The following WWOX variants were observed in gnomAD, a reference collection of about 807,000 sequenced individuals.
WWOX encodes WW domain containing oxidoreductase, also known as WW domain-containing oxidoreductase.
WWOX carries 69 observed loss-of-function variants against 46.2 expected under a neutral mutation model. That is an observed-to-expected ratio of 1.49 (90% CI 1.23 to 1.82). The LOEUF (loss-of-function observed/expected upper bound fraction) is 1.82, where lower values mean the gene tolerates loss of function less well. Ranked by LOEUF, WWOX falls within the 40% of genes most tolerant of loss-of-function variation. The pLI, the probability that WWOX is intolerant of heterozygous loss-of-function variation, is 0.00. For missense variants in WWOX, 919 were observed against 542.6 expected, an observed-to-expected ratio of 1.69 and a Z score of -6.89; for synonymous variants, 359 against 202.6, an observed-to-expected ratio of 1.77 and a Z score of -6.56.
intron 8 of WWOX, among the ~76,000 whole-genome samples, chr16:79,158,414 A>G (rs950101141): frequency 6.6e-6 from 1 of 152,182 alleles, no homozygotes; most frequent in Non-Finnish European, 1.5e-5. Flanking sequence ...CAGCTGCAGG[A>G]TCACTTGCTT....
chr16:78,735,159 G>T (rs144430050), intron 8 of WWOX, among the ~76,000 whole-genome samples: 1 of 152,010 alleles, frequency 6.6e-6, no homozygotes, highest in African/African-American at 2.4e-5. Context: ...GAGCCACCAC[G>T]TCTGGCCTGA....
intron 8 of WWOX, among the ~76,000 whole-genome samples, chr16:78,682,551 C>G (rs572215427): frequency 2.0e-5 from 3 of 152,154 alleles, no homozygotes; most frequent in African/African-American, 4.8e-5. Context: ...CCATGGCACT[C>G]CAGCCTGGGT....
intron 8 of WWOX, among the ~76,000 whole-genome samples, chr16:78,960,028 C>T (rs2046243341): frequency 6.6e-6 from 1 of 152,130 alleles, no homozygotes; most frequent in African/African-American, 2.4e-5. Context: ...TGCTTTAGGT[C>T]TACCAGTTAG....
At chr16:78,553,283 A>G (rs950609419) in intron 8 of WWOX, 1 of 152,236 alleles carries the variant, frequency 6.6e-6, no homozygotes, top group Non-Finnish European at 1.5e-5. Flanking sequence ...TGGAACTTAA[A>G]TTTTTTTAAA....
chr16:78,967,881 C>G (rs190203278), intron 8 of WWOX, among the ~76,000 whole-genome samples: 1 of 152,196 alleles, frequency 6.6e-6, no homozygotes, highest in Non-Finnish European at 1.5e-5. Context: ...GGGGCCACAT[C>G]AGTAGCTGCA....
chr16:79,212,537 C>T lies in WWOX; in HGVS notation c.*741C>T, dbSNP rs2051803699. ...AGAATACACAGGATATTTTGGGGGG[C>T]AGAGAATAAAACGTTAGTTAATCCC... On this transcript the variant is annotated 3_prime_UTR_variant, in exon 9 of 9. Coordinates refer to ENST00000566780, the MANE Select transcript of WWOX (RefSeq NM_016373.4). The T allele has an allele frequency of 5.8e-6, 1 of 172,056 alleles. No homozygotes were observed. Among genetic ancestry groups the T allele is most frequent in the African/African-American group, 2.4e-5 (1 of 42,038 alleles). The allele number at this position is 172,056 out of a possible 1,614,324, so 10.7% of individuals were successfully genotyped here.
intron 8 of WWOX, among the ~76,000 whole-genome samples, chr16:78,678,682 G>C (rs1490655870): frequency 6.6e-6 from 1 of 152,002 alleles, no homozygotes; most frequent in Non-Finnish European, 1.5e-5. Flanking sequence ...AGTAAGATTG[G>C]GTCTGAGATA....
chr16:78,270,935 C>A (rs2082981769), intron 5 of WWOX, among the ~76,000 whole-genome samples: 1 of 152,168 alleles, frequency 6.6e-6, no homozygotes, highest in South Asian at 2.1e-4. Flanking sequence ...TCAACCCTTT[C>A]CTGTTTGCGT....
intron 6 of WWOX, among the ~76,000 whole-genome samples, chr16:78,406,672 G>C (rs1489038920): frequency 4.0e-5 from 6 of 149,852 alleles, no homozygotes; most frequent in Non-Finnish European, 8.9e-5. Flanking sequence ...TGTTGCCGAG[G>C]CTGGAGTGTA....
At chr16:78,510,159 C>T (rs2151485546) in intron 8 of WWOX, among the ~76,000 whole-genome samples, 2 of 152,148 alleles carry the variant, frequency 1.3e-5, no homozygotes, top group African/African-American at 4.8e-5. Flanking sequence ...TCACTTATGC[C>T]CTTGAAGAGT....
chr16:79,111,073 A>G (rs1418023834), intron 8 of WWOX, among the ~76,000 whole-genome samples: 1 of 152,222 alleles, frequency 6.6e-6, no homozygotes, highest in Non-Finnish European at 1.5e-5. Context: ...TAACACCCAC[A>G]GAGAGTCACA....
chr16:78,099,892 G>A lies in WWOX; in HGVS notation c.107+7G>A. 1 of 1,556,766 alleles carries A rather than the reference G, an allele frequency of 6.4e-7. No homozygotes were observed. Among genetic ancestry groups the A allele is most frequent in the East Asian group, 2.4e-5 (1 of 41,142 alleles). On this transcript the variant is annotated splice_region_variant and intron_variant, in intron 1 of 8. Transcript: ENST00000566780. ...GCTGGGTTTACTACGCCAAGTAAGGGGGCCGCAGTGGGGCCGCGGACGCAC... is the reference window on the plus strand; with the variant it reads ...GCTGGGTTTACTACGCCAAGTAAGGAGGCCGCAGTGGGGCCGCGGACGCAC...
At chr16:78,361,801 G>A (rs554466173) in intron 5 of WWOX, among the ~76,000 whole-genome samples, 1 of 151,894 alleles carries the variant, frequency 6.6e-6, no homozygotes, top group South Asian at 2.1e-4. Context: ...TAGTAGAGAT[G>A]GGGTTTCACC....
chr16:78,304,583 C>G (rs1284186975), intron 5 of WWOX, among the ~76,000 whole-genome samples: 4 of 152,232 alleles, frequency 2.6e-5, no homozygotes, highest in Non-Finnish European at 2.9e-5. Context: ...GAGACTTTTT[C>G]ATATTAATAT....
At chr16:78,795,044 C>T (rs966426539) in intron 8 of WWOX, among the ~76,000 whole-genome samples, 4 of 152,126 alleles carry the variant, frequency 2.6e-5, no homozygotes, top group Non-Finnish European at 5.9e-5. Context: ...GCGATTTTTC[C>T]AGCCAACTCA....
At chr16:78,421,803 A>G (rs1264177413) in intron 6 of WWOX, among the ~76,000 whole-genome samples, 2 of 152,208 alleles carry the variant, frequency 1.3e-5, no homozygotes, top group Admixed American at 1.3e-4. Context: ...CAATGATAAA[A>G]TACTTCTCCC....
At chr16:78,430,636 G>C (rs1363908601) in intron 7 of WWOX, among the ~76,000 whole-genome samples, 1 of 152,120 alleles carries the variant, frequency 6.6e-6, no homozygotes. Context: ...CATTGCCTTA[G>C]ACAATTAAGC....
chr16:78,659,627 A>G (rs988503136), intron 8 of WWOX, among the ~76,000 whole-genome samples: 2 of 152,164 alleles, frequency 1.3e-5, no homozygotes, highest in African/African-American at 2.4e-5. Flanking sequence ...TGTACTACTC[A>G]TCTCTGCCTC....
chr16:79,158,568 C>T (rs548011950), intron 8 of WWOX, among the ~76,000 whole-genome samples: 2 of 152,202 alleles, frequency 1.3e-5, no homozygotes, highest in East Asian at 1.9e-4. Flanking sequence ...GATCACTTCA[C>T]GCCTCCCTGT....
Sources: gnomAD v4.1 joint callset for allele counts (sites outside exome capture counted in the v4.1 genomes callset) on GRCh38, gnomAD v4.1.1 for gene constraint, MANE v1.5 for transcripts, NCBI Gene and HGNC (gene_info 2026-07-23, HGNC 2026-07-21) for gene names.